Variants in F7 observed in about 807,000 individuals in gnomAD.
F7 encodes the protein coagulation factor VII.
A neutral mutation model predicts 47.5 loss-of-function variants in F7; 38 were observed. The ratio of observed to expected loss-of-function variants is 0.80; its 90% CI spans 0.62 to 1.05. The LOEUF (loss-of-function observed/expected upper bound fraction) is 1.05. Among genes scored for constraint, F7 ranks in the 50% least tolerant of loss-of-function variants. The probability of loss-of-function intolerance (pLI) is 0.00; values close to 1 mark genes in which losing one functional copy is unlikely to be tolerated. For synonymous variants in F7, 244 were observed against 258.5 expected (o/e 0.94, Z 0.54); for missense variants, 575 against 605.4 (o/e 0.95, Z 0.53).
At position 113,117,469 on chromosome 13, in the gene F7, C is replaced by G; in HGVS notation, c.616-4C>G. ...ACTTCCACACCTCCTGTCCCCCCGC[C>G]CAGGTCCTGTTGTTGGTGAATGGAG... On this transcript the variant is annotated splice_polypyrimidine_tract_variant and splice_region_variant and intron_variant, in intron 6 of 7. Transcript: ENST00000346342. The G allele has an allele frequency of 1.2e-6, 2 of 1,613,962 alleles. No individual in the cohort carries two copies. Among genetic ancestry groups the G allele is most frequent in the Non-Finnish European group, 1.7e-6 (2 of 1,179,844 alleles).
In F7 at chr13:113,113,836, C is replaced by T; in HGVS notation, c.251-11C>T. 1 of 1,614,206 alleles carries T rather than the reference C, an allele frequency of 6.2e-7. No individual in the cohort carries two copies. The highest frequency in any genetic ancestry group is 1.1e-5 in the South Asian group (1 of 91,086). ...CCCTTCTCAGCTTACTGACACCAGC[C>T]CACTCCACAGATGGGGACCAGTGTG... On this transcript the variant is annotated splice_polypyrimidine_tract_variant and intron_variant, in intron 3 of 7. Transcript: ENST00000346342. This position sits in a 1 kb window ranked among gnomAD's most constrained non-coding sequence, Gnocchi z 4.1.
intron 7 of F7, 88 bp from the exon 8 acceptor site, chr13:113,118,325 C>A: frequency 2.8e-6 from 4 of 1,413,098 alleles, no homozygotes; most frequent in Non-Finnish European, 2.9e-6. Flanking sequence ...CCCCTGCAGA[C>A]CTAGAAATGG....
At chr13:113,110,588 G>T in intron 1 of F7, 102 bp from the exon 2 acceptor site, 1 of 1,483,028 alleles carries the variant, frequency 6.7e-7, no homozygotes, top group Non-Finnish European at 9.2e-7. Context: ...CCTCCAGGAC[G>T]GGCGGGAACC....
chr13:113,110,101 G>GC (rs2036060229), intron 1 of F7, among the ~76,000 whole-genome samples: 1 of 152,154 alleles, frequency 6.6e-6, no homozygotes, highest in Non-Finnish European at 1.5e-5. Flanking sequence ...GGACAGAGGG[G>GC]CCCCAAGCGG....
At chr13:113,108,724 G>C (rs1399761178) in intron 1 of F7, among the ~76,000 whole-genome samples, 2 of 104,754 alleles carry the variant, frequency 1.9e-5, no homozygotes, top group Non-Finnish European at 3.9e-5. Flanking sequence ...CCCGGGGGTC[G>C]TGGGTGTCCC....
intron 1 of F7, chr13:113,110,320 G>C: frequency 4.6e-6 from 1 of 215,304 alleles, no homozygotes; most frequent in Non-Finnish European, 9.1e-6. Flanking sequence ...CGCGGTTCAC[G>C]TGGGCCCCAG....
At position 113,113,777 on chromosome 13, in the gene F7, G is replaced by T; in HGVS notation, c.250+1G>T. The stretch of plus-strand genomic sequence containing the variant: ...AAGCTGTTCTGGATTTCTTACAGTG[G>T]TGAGTGGATGATCACCACCAGTCCT... On this transcript the variant is annotated splice_donor_variant, in intron 3 of 7. Transcript: ENST00000346342. LOFTEE classifies it high-confidence loss of function. This position sits in a 1 kb window ranked among gnomAD's most constrained non-coding sequence, Gnocchi z 4.1. 6.2e-7 allele frequency: 1 copy of T among 1,614,174 alleles called. No individual in the cohort carries two copies. The highest frequency in any genetic ancestry group is 8.5e-7 in the Non-Finnish European group (1 of 1,180,040).
chr13:113,118,089 G>T (rs968774542), intron 7 of F7, among the ~76,000 whole-genome samples: 1 of 152,176 alleles, frequency 6.6e-6, no homozygotes, highest in Admixed American at 6.5e-5. Context: ...TGGGTGAGAC[G>T]AGCACTCCCA....
intron 1 of F7, chr13:113,110,477 G>T: frequency 1.7e-6 from 1 of 580,468 alleles, no homozygotes. Context: ...GCCCCCGGAA[G>T]CAGAGAGGCC....
intron 1 of F7, among the ~76,000 whole-genome samples, chr13:113,108,620 T>C (rs370553021): frequency 2.3e-4 from 16 of 68,990 alleles, no homozygotes; most frequent in Non-Finnish European, 3.0e-4. Context: ...GTCCCAGGAG[T>C]GTGGGTGTCC....
chr13:113,108,783 C>T (rs1231105224), intron 1 of F7, among the ~76,000 whole-genome samples: 124 of 68,468 alleles, frequency 1.8e-3, no homozygotes, highest in East Asian at 4.5e-3. Context: ...GTGTGGGTGT[C>T]CCAGGGGTGT....
At chr13:113,111,077 G>A (rs1382405221) in intron 2 of F7, among the ~76,000 whole-genome samples, 7 of 152,208 alleles carry the variant, frequency 4.6e-5, no homozygotes, top group Non-Finnish European at 8.8e-5. Flanking sequence ...GCCGCACCGC[G>A]CATGCCGGTT....
chr13:113,113,785 A>G lies in F7; in HGVS notation c.250+9A>G, dbSNP rs761077461. On this transcript the variant is annotated intron_variant, in intron 3 of 7. Coordinates refer to ENST00000346342, the MANE Select transcript of F7 (RefSeq NM_019616.4). This position sits in a 1 kb window ranked among gnomAD's most constrained non-coding sequence, Gnocchi z 4.1. ...CTGGATTTCTTACAGTGGTGAGTGG[A>G]TGATCACCACCAGTCCTGCCTGCAA... 2.2e-5 allele frequency: 35 copies of G among 1,614,124 alleles called. No individual in the cohort carries two copies. In the East Asian group the frequency reaches 3.3e-4, roughly 15 times the overall value.
At chr13:113,116,363 G>A (rs1275445598) in intron 5 of F7, among the ~76,000 whole-genome samples, 1 of 152,244 alleles carries the variant, frequency 6.6e-6, no homozygotes, top group Admixed American at 6.5e-5. Context: ...CTTGATTGAA[G>A]CAGATCAAAA....
In F7 at chr13:113,114,271, C is replaced by T. The variant is rs3093239; in HGVS notation, c.364+311C>T. ...CCTGTCCCACTTCCACATCCCACCA[C>T]GCAGGACCGCTTGGTAAACTTCCCC... is the stretch of plus-strand genomic sequence containing the variant. On this transcript the variant is annotated intron_variant, in intron 4 of 7. Coordinates refer to ENST00000346342, the MANE Select transcript of F7 (RefSeq NM_019616.4). Among the ~76,000 whole-genome samples the T allele has an allele frequency of 0.018, 2,791 of 152,228 alleles. 82 individuals carry two copies. The highest frequency in any genetic ancestry group is 0.064 in the African/African-American group (2,666 of 41,534).
At chr13:113,117,635 T>C (rs1177566663) in intron 7 of F7, 39 bp downstream of exon 7, 2 of 1,485,028 alleles carry the variant, frequency 1.3e-6, no homozygotes, top group Non-Finnish European at 1.8e-6. Context: ...CGGTGCTGGG[T>C]GGGTGCCACT....
At chr13:113,115,519 C>A in intron 4 of F7, 141 bp from the exon 5 acceptor site, 1 of 894,850 alleles carries the variant, frequency 1.1e-6, no homozygotes, top group Non-Finnish European at 1.8e-6. Flanking sequence ...CAGGTGGTGC[C>A]AAGCTCAGGC....
intron 1 of F7, among the ~76,000 whole-genome samples, chr13:113,109,249 G>A (rs1314410956): frequency 6.9e-6 from 1 of 144,490 alleles, no homozygotes; most frequent in Admixed American, 6.8e-5. Flanking sequence ...TGTCCCGGGG[G>A]TCGTGGGTGT....
chr13:113,120,100 A>G lies in F7; in HGVS notation c.*1092A>G, dbSNP rs966557450. On this transcript the variant is annotated 3_prime_UTR_variant, in exon 8 of 8. Transcript: ENST00000346342. The stretch of plus-strand genomic sequence containing the variant: ...CCTCTGAGATGCTCTTTTCTTTCAC[A>G]ATTTTCAACATCACTGAAATGAACC... 1 of 152,054 alleles carries G rather than the reference A, an allele frequency of 6.6e-6. No individual in the cohort carries two copies. Among genetic ancestry groups the G allele is most frequent in the Non-Finnish European group, 1.5e-5 (1 of 68,008 alleles). 9.4% of individuals were successfully genotyped at this position (152,054 alleles called of 1,614,324 possible).
Sources: gnomAD v4.1 joint callset for allele counts (sites outside exome capture counted in the v4.1 genomes callset) on GRCh38, gnomAD v4.1.1 for gene constraint, Gnocchi (gnomAD v3.1) non-coding constraint, MANE v1.5 for transcripts, NCBI Gene and HGNC (gene_info 2026-07-23, HGNC 2026-07-21) for gene names.